Variants in ZMYM1 observed in about 807,000 individuals in gnomAD.
ZMYM1 encodes zinc finger MYM-type containing 1.
Under a neutral mutation model 60.0 loss-of-function variants are expected in ZMYM1, and 39 were observed. The ratio of observed to expected loss-of-function variants is 0.65; its 90% CI spans 0.50 to 0.85. ZMYM1 has a LOEUF of 0.85. ZMYM1 is among the 40% of genes least tolerant of loss of function. The pLI is 0.00. For missense variants in ZMYM1, 1,171 were observed against 1,309.5 expected (o/e 0.89, Z 1.63); for synonymous variants, 413 against 454.0 (o/e 0.91, Z 1.15).
chr1:35,106,789 TTTTC>T (rs1176938928), intron 6 of ZMYM1, among the ~76,000 whole-genome samples: 1 of 151,956 alleles, frequency 6.6e-6, no homozygotes, highest in East Asian at 1.9e-4. Flanking sequence ...ATTCCTTTTT[TTTTC>T]TTTCTTTCTT....
chr1:35,092,603 CCTTT>C (rs371784403), intron 1 of ZMYM1, among the ~76,000 whole-genome samples: 2,851 of 146,560 alleles, frequency 0.019, 57 homozygotes, highest in African/African-American at 0.057. Flanking sequence ...TTCCTACCTT[CCTTT>C]CTTTCTTTCT....
chr1:35,099,921 C>T (rs190352897), intron 4 of ZMYM1, among the ~76,000 whole-genome samples: 2,460 of 152,124 alleles, frequency 0.016, 76 homozygotes, highest in African/African-American at 0.055. Context: ...AGTCTCGTCT[C>T]AATCTGTCAC....
intron 1 of ZMYM1, among the ~76,000 whole-genome samples, chr1:35,079,912 G>A (rs1410273523): frequency 6.6e-6 from 1 of 152,184 alleles, no homozygotes; most frequent in Non-Finnish European, 1.5e-5. Context: ...AGAAGTTCGA[G>A]ACCAGCCTGG....
At chr1:35,090,378 T>G (rs1642931373) in intron 1 of ZMYM1, among the ~76,000 whole-genome samples, 1 of 152,110 alleles carries the variant, frequency 6.6e-6, no homozygotes, top group East Asian at 1.9e-4. Flanking sequence ...GGAACCAATC[T>G]GTCTTTGAAA....
At chr1:35,117,936 G>A (rs116519822), downstream of ZMYM1, among the ~76,000 whole-genome samples, 772 of 151,762 alleles carry the variant, frequency 5.1e-3, 12 homozygotes, top group African/African-American at 0.017. Flanking sequence ...GAGAAACTCC[G>A]TTTCAAAAAA....
In ZMYM1 at chr1:35,090,680, C is replaced by T. The variant is rs1359839170; in HGVS notation, c.-74-3234C>T. Among the ~76,000 whole-genome samples the T allele has an allele frequency of 2.6e-5, 4 of 152,288 alleles. No homozygotes were observed. In the East Asian group the frequency reaches 5.8e-4, roughly 22 times the overall value. Reference sequence around the variant, plus strand: ...AGACTTATTTGACTGGGTGTGGTGGCTCACACCTGTAATCCCAGCACTTTG... The same window carrying T: ...AGACTTATTTGACTGGGTGTGGTGGTTCACACCTGTAATCCCAGCACTTTG... On this transcript the variant is annotated intron_variant, in intron 1 of 9. Coordinates refer to ENST00000359858, the MANE Select transcript of ZMYM1 (RefSeq NM_024772.5).
intron 7 of ZMYM1, among the ~76,000 whole-genome samples, chr1:35,111,407 C>T (rs1644082279): frequency 6.6e-6 from 1 of 152,116 alleles, no homozygotes; most frequent in African/African-American, 2.4e-5. Context: ...GTTTATGAAT[C>T]CTGGAAGAGT....
At chr1:35,096,626 C>T (rs925886723) in intron 3 of ZMYM1, among the ~76,000 whole-genome samples, 1 of 151,842 alleles carries the variant, frequency 6.6e-6, no homozygotes, top group Non-Finnish European at 1.5e-5. Flanking sequence ...CTCTGCCACC[C>T]AGGTTCAAGC....
chr1:35,076,956 GA>G (rs1642179000), upstream of ZMYM1, among the ~76,000 whole-genome samples: 1 of 148,904 alleles, frequency 6.7e-6, no homozygotes, highest in African/African-American at 2.5e-5. Context: ...AAAAAGAAAA[GA>G]AAAGAAAAAG....
intron 1 of ZMYM1, among the ~76,000 whole-genome samples, chr1:35,090,928 G>A (rs187922148): frequency 1.5e-4 from 22 of 151,488 alleles, no homozygotes; most frequent in African/African-American, 5.1e-4. Flanking sequence ...CCTGGGCAAC[G>A]AGAGCAAAAC....
At chr1:35,096,246 AGGTTGT>A (rs1230696097) in intron 3 of ZMYM1, among the ~76,000 whole-genome samples, 1 of 150,218 alleles carries the variant, frequency 6.7e-6, no homozygotes, top group Non-Finnish European at 1.5e-5. Context: ...TGGGAGGCAG[AGGTTGT>A]GGTGAGCCAA....
intron 4 of ZMYM1, among the ~76,000 whole-genome samples, chr1:35,100,482 C>T (rs190875562): frequency 1.0e-3 from 157 of 151,904 alleles, no homozygotes; most frequent in African/African-American, 3.7e-3. Flanking sequence ...ATTAGCCAGG[C>T]GTGGTGGTGT....
upstream of ZMYM1, among the ~76,000 whole-genome samples, chr1:35,077,087 A>G (rs570636334): frequency 7.9e-5 from 12 of 152,252 alleles, no homozygotes; most frequent in African/African-American, 2.9e-4. Flanking sequence ...TGTGACCTAC[A>G]TCTACTGCTT....
At chr1:35,110,487 TAATA>T in intron 7 of ZMYM1, 40 bp downstream of exon 7, 7 of 1,297,098 alleles carry the variant, frequency 5.4e-6, no homozygotes, top group South Asian at 2.6e-5. Context: ...TAGTAATTAT[TAATA>T]AATAATATTA....
intron 1 of ZMYM1, among the ~76,000 whole-genome samples, chr1:35,073,338 A>AAAGGAAGG (rs71029062): frequency 0.28 from 32,342 of 115,464 alleles, 5,130 homozygotes; most frequent in South Asian, 0.36. Flanking sequence ...AGAAAGAAAG[A>AAAGGAAGG]AAGGAAGGAA....
Position 35,104,644 on chromosome 1 carries a change from A to T in ZMYM1, c.682A>T (p.Ile228Phe). ...LSKFHSANNF[I>F]MNCCENCGTY... ...AAAGTTTCACTCTGCTAACAACTTC[A>T]TCATGAACTGCTGTGAGAACTGTGG... Residue 228 changes from isoleucine to phenylalanine, a missense_variant, in exon 6 of 10, where the codon ATC (isoleucine) becomes TTC (phenylalanine). Ile to Phe is a conservative substitution (Grantham distance 21, BLOSUM62 0). Transcript: ENST00000359858. 1.2e-6 allele frequency: 2 copies of T among 1,614,194 alleles called. No individual in the cohort carries two copies. Among genetic ancestry groups the T allele is most frequent in the Non-Finnish European group, 8.5e-7 (1 of 1,180,036 alleles).
chr1:35,103,802 C>A (rs1027972020), intron 4 of ZMYM1, among the ~76,000 whole-genome samples: 1 of 152,130 alleles, frequency 6.6e-6, no homozygotes, highest in African/African-American at 2.4e-5. Context: ...TGGGGACTCC[C>A]CCAGGGATTT....
At position 35,113,717 on chromosome 1, in the gene ZMYM1, G is replaced by A; in HGVS notation, c.1887G>A (p.Met629Ile). 6.2e-7 allele frequency: 1 copy of A among 1,613,864 alleles called. No individual in the cohort carries two copies. The highest frequency in any genetic ancestry group is 8.5e-7 in the Non-Finnish European group (1 of 1,179,868). The change falls in exon 10 of 10, where the codon ATG becomes ATA. Residue 629 changes from methionine to isoleucine, a missense_variant. By Grantham distance (10) the Met-to-Ile change is conservative. Transcript: ENST00000359858. ...TTATCGAAATAATAAAGACTGAAAT[G>A]TTGCAGGATATTGTGAATGAGATCA... ...SDIIEIIKTE[M>I]LQDIVNEIND...
chr1:35,079,260 C>G (rs538117653), upstream of ZMYM1: 4 of 152,448 alleles, frequency 2.6e-5, no homozygotes, highest in Non-Finnish European at 4.4e-5. Flanking sequence ...TCCCCTCCCC[C>G]TCTCCCACTT....
Sources: allele counts gnomAD v4.1 joint callset (sites outside exome capture counted in the v4.1 genomes callset), GRCh38; gene constraint gnomAD v4.1.1; transcripts MANE v1.5; gene names NCBI Gene and HGNC (gene_info 2026-07-23, HGNC 2026-07-21).